TRAPPC9: variants seen among roughly 807,000 people sequenced by gnomAD.
TRAPPC9 encodes trafficking protein particle complex subunit 9.
Under a neutral mutation model 124.0 loss-of-function variants are expected in TRAPPC9, and 83 were observed. That is an observed-to-expected ratio of 0.67 (90% CI 0.56 to 0.80). The LOEUF is 0.80. Ranked by LOEUF, TRAPPC9 falls within the 30% of genes least tolerant of loss-of-function variation. The probability of loss-of-function intolerance (pLI) is 0.00; values close to 1 mark genes in which losing one functional copy is unlikely to be tolerated. For missense variants in TRAPPC9, 1,302 were observed against 1,508.3 expected (o/e 0.86, Z 2.27); for synonymous variants, 638 against 617.5 (o/e 1.03, Z -0.49).
chr8:139,898,866 TC>T (rs1285861342), intron 20 of TRAPPC9, among the ~76,000 whole-genome samples: 2 of 152,054 alleles, frequency 1.3e-5, no homozygotes, highest in Non-Finnish European at 1.5e-5. Flanking sequence ...ATGCCTGTAA[TC>T]CCAGCACTTT....
At chr8:139,738,530 G>A (rs1050293611) in intron 21 of TRAPPC9, among the ~76,000 whole-genome samples, 2 of 152,196 alleles carry the variant, frequency 1.3e-5, no homozygotes, top group Non-Finnish European at 2.9e-5. Context: ...GGCACACTTC[G>A]CTGCTGGCTA....
chr8:140,176,518 G>A (rs922420853), intron 17 of TRAPPC9, among the ~76,000 whole-genome samples: 2 of 152,174 alleles, frequency 1.3e-5, no homozygotes, highest in Non-Finnish European at 2.9e-5. Context: ...CCACTGCCAC[G>A]TGGTATTGCA....
intron 17 of TRAPPC9, among the ~76,000 whole-genome samples, chr8:140,193,526 C>A (rs564579769): frequency 6.8e-6 from 1 of 146,620 alleles, no homozygotes; most frequent in South Asian, 2.2e-4. Flanking sequence ...TTTTATATCA[C>A]TGGCAAGTTT....
At chr8:140,003,141 A>T (rs151170613) in intron 18 of TRAPPC9, among the ~76,000 whole-genome samples, 221 of 152,306 alleles carry the variant, frequency 1.5e-3, no homozygotes, top group Middle Eastern at 3.4e-3. Flanking sequence ...TATTTTAAAA[A>T]CTTTTGAAAC....
At chr8:140,457,521 A>G in intron 1 of TRAPPC9, 118 bp downstream of exon 1, 3 of 837,792 alleles carry the variant, frequency 3.6e-6, no homozygotes, top group Non-Finnish European at 4.3e-6. Context: ...CTCCGCCCGG[A>G]CAGGTGAGGG....
At chr8:140,231,315 G>A in intron 16 of TRAPPC9, among the ~76,000 whole-genome samples, 1 of 152,050 alleles carries the variant, frequency 6.6e-6, no homozygotes, top group South Asian at 2.1e-4. Context: ...TGCCTGCACT[G>A]AAAAGCACCT....
At chr8:139,756,455 CAGA>C (rs1193571814) in intron 21 of TRAPPC9, among the ~76,000 whole-genome samples, 1 of 126,052 alleles carries the variant, frequency 7.9e-6, no homozygotes, top group African/African-American at 3.3e-5. Context: ...CAGCAGGTCG[CAGA>C]AGGAGCCAGG....
intron 6 of TRAPPC9, among the ~76,000 whole-genome samples, chr8:140,402,153 G>C (rs1204211346): frequency 6.6e-6 from 1 of 151,972 alleles, no homozygotes; most frequent in East Asian, 1.9e-4. Context: ...GATTGCTTCA[G>C]GCCAGGAGTT....
chr8:140,127,471 G>C (rs937123938), intron 17 of TRAPPC9, among the ~76,000 whole-genome samples: 36 of 152,294 alleles, frequency 2.4e-4, no homozygotes, highest in African/African-American at 7.9e-4. Context: ...GCATCTTGAG[G>C]ACAGTGGCCA....
chr8:139,971,746 T>TACACACACACACAC (rs1554419388), intron 19 of TRAPPC9, among the ~76,000 whole-genome samples: 10 of 15,712 alleles, frequency 6.4e-4, no homozygotes, highest in East Asian at 1.3e-3. Flanking sequence ...CACATATATA[T>TACACACACACACAC]ATACACACAC....
chr8:140,095,010 G>C (rs1303649957), intron 17 of TRAPPC9: 5 of 152,190 alleles, frequency 3.3e-5, no homozygotes, highest in Non-Finnish European at 7.3e-5. Flanking sequence ...CATAACCCAA[G>C]TCTGATTAGA....
At chr8:140,121,946 T>C (rs1337869054) in intron 17 of TRAPPC9, among the ~76,000 whole-genome samples, 1 of 152,192 alleles carries the variant, frequency 6.6e-6, no homozygotes, top group African/African-American at 2.4e-5. Flanking sequence ...GTAGGACCTA[T>C]GTGATTACTC....
chr8:139,815,523 G>A (rs912733509), intron 21 of TRAPPC9, among the ~76,000 whole-genome samples: 1 of 152,200 alleles, frequency 6.6e-6, no homozygotes, highest in Non-Finnish European at 1.5e-5. Context: ...AAGTGGCTGG[G>A]ATTACAGACT....
At chr8:139,815,789 C>T (rs1350160801) in intron 21 of TRAPPC9, among the ~76,000 whole-genome samples, 1 of 152,220 alleles carries the variant, frequency 6.6e-6, no homozygotes, top group Non-Finnish European at 1.5e-5. Context: ...TGAGCAGTGG[C>T]TCCGGGGATC....
intron 20 of TRAPPC9, among the ~76,000 whole-genome samples, chr8:139,896,533 C>G (rs1830680139): frequency 6.6e-6 from 1 of 152,164 alleles, no homozygotes; most frequent in Non-Finnish European, 1.5e-5. Flanking sequence ...AACTGAGGCT[C>G]ATGGAAAGAA....
intron 9 of TRAPPC9, among the ~76,000 whole-genome samples, chr8:140,351,808 G>T (rs1294361886): frequency 2.0e-5 from 3 of 152,176 alleles, no homozygotes; most frequent in Non-Finnish European, 2.9e-5. Flanking sequence ...ATGACCACAT[G>T]ATCTGGTTCT....
intron 8 of TRAPPC9, among the ~76,000 whole-genome samples, chr8:140,368,278 C>T (rs1401563970): frequency 6.6e-6 from 1 of 152,146 alleles, no homozygotes; most frequent in Non-Finnish European, 1.5e-5. Flanking sequence ...TCCGCAGGGA[C>T]GTCTTGGTTC....
At chr8:140,341,986 A>G (rs1009012339) in intron 9 of TRAPPC9, among the ~76,000 whole-genome samples, 4 of 152,274 alleles carry the variant, frequency 2.6e-5, no homozygotes, top group African/African-American at 9.6e-5. Context: ...CTGCTTTAGA[A>G]AGAAAGATCA....
At chr8:139,932,720 T>C in intron 19 of TRAPPC9, 2 of 365,544 alleles carry the variant, frequency 5.5e-6, no homozygotes, top group Middle Eastern at 1.0e-3. Flanking sequence ...GCCGAGATGG[T>C]ACCTCTGCAC....
Sources: allele counts gnomAD v4.1 joint callset (sites outside exome capture counted in the v4.1 genomes callset), GRCh38; gene constraint gnomAD v4.1.1; transcripts MANE v1.5; gene names NCBI Gene and HGNC (gene_info 2026-07-23, HGNC 2026-07-21).